The following CD96 variants were observed in gnomAD, a reference collection of about 807,000 sequenced individuals.
CD96 encodes CD96 molecule.
In CD96, 70 loss-of-function variants were observed where a neutral mutation model predicts 71.3. The observed-to-expected ratio is 0.98, with a 90% CI of 0.81 to 1.20. The LOEUF (loss-of-function observed/expected upper bound fraction) is 1.20. CD96 is among the 50% of genes most tolerant of loss of function. CD96 has a pLI of 0.00. For missense variants in CD96, 742 were observed against 677.5 expected (o/e 1.10, Z -1.06); for synonymous variants, 248 against 233.0 (o/e 1.06, Z -0.59).
rs191251953 is a variant in CD96, at chr3:111,542,592, T to C, written c.61+283T>C. Among the ~76,000 whole-genome samples the C allele has an allele frequency of 3.9e-5, 6 of 152,354 alleles. No homozygotes were observed. In the East Asian group the frequency reaches 9.6e-4, roughly 24 times the overall value. On this transcript the variant is annotated intron_variant, in intron 1 of 13. Transcript: ENST00000352690. Reference sequence around the variant, plus strand: ...CTTTCTAACAGGATCTCTGGAGTAATTGGCAAATTGTGTTTCTTGGAAATG... The same window carrying C: ...CTTTCTAACAGGATCTCTGGAGTAACTGGCAAATTGTGTTTCTTGGAAATG...
intron 12 of CD96, among the ~76,000 whole-genome samples, chr3:111,645,304 T>C (rs1939778126): frequency 6.6e-6 from 1 of 152,038 alleles, no homozygotes; most frequent in Non-Finnish European, 1.5e-5. Flanking sequence ...CTCACTGATA[T>C]GTGGGAAGCT....
chr3:111,563,251 C>CA (rs2107534547), intron 2 of CD96, among the ~76,000 whole-genome samples: 1 of 152,334 alleles, frequency 6.6e-6, no homozygotes, highest in Non-Finnish European at 1.5e-5. Context: ...AGCAGCCACT[C>CA]ACTCCAGATG....
intron 12 of CD96, among the ~76,000 whole-genome samples, chr3:111,646,855 T>C (rs1939851772): frequency 1.3e-5 from 2 of 151,890 alleles, no homozygotes; most frequent in South Asian, 4.2e-4. Flanking sequence ...GAAAACGTGG[T>C]ACATATACAC....
intron 11 of CD96, among the ~76,000 whole-genome samples, chr3:111,637,531 C>A (rs1939388055): frequency 6.6e-6 from 1 of 152,132 alleles, no homozygotes; most frequent in African/African-American, 2.4e-5. Flanking sequence ...AAATAAATTT[C>A]AATTTTTTTA....
chr3:111,632,563 T>C (rs1156521703), intron 10 of CD96, among the ~76,000 whole-genome samples: 2 of 152,184 alleles, frequency 1.3e-5, no homozygotes, highest in Non-Finnish European at 2.9e-5. Flanking sequence ...ATTGTGGCGA[T>C]TCCTCAAAGA....
At chr3:111,564,327 CT>C (rs1047163518) in intron 2 of CD96, among the ~76,000 whole-genome samples, 6 of 150,756 alleles carry the variant, frequency 4.0e-5, no homozygotes, top group Non-Finnish European at 7.4e-5. Context: ...CAACTTTTTT[CT>C]TTTTTTATAA....
At chr3:111,586,976 C>T (rs1936742505) in intron 5 of CD96, among the ~76,000 whole-genome samples, 1 of 152,124 alleles carries the variant, frequency 6.6e-6, no homozygotes, top group Non-Finnish European at 1.5e-5. Context: ...AAAGTCTCAT[C>T]TGAGATAAGG....
intron 2 of CD96, among the ~76,000 whole-genome samples, chr3:111,548,961 G>A (rs58340824): frequency 0.069 from 10,464 of 152,188 alleles, 1,017 homozygotes; most frequent in African/African-American, 0.22. Context: ...GTGTCTTCAT[G>A]AATCACAAAG....
chr3:111,639,002 T>C (rs1198970270), intron 12 of CD96, among the ~76,000 whole-genome samples: 1 of 152,186 alleles, frequency 6.6e-6, no homozygotes, highest in African/African-American at 2.4e-5. Context: ...TAAGACCTCT[T>C]TAAAATATTT....
intron 8 of CD96, among the ~76,000 whole-genome samples, chr3:111,611,777 A>G (rs1477579106): frequency 6.6e-6 from 1 of 152,238 alleles, no homozygotes; most frequent in Non-Finnish European, 1.5e-5. Flanking sequence ...GCGTAAAACA[A>G]AATGAGTGCA....
intron 13 of CD96, among the ~76,000 whole-genome samples, chr3:111,648,574 T>C (rs1939940104): frequency 6.6e-6 from 1 of 152,220 alleles, no homozygotes; most frequent in Non-Finnish European, 1.5e-5. Context: ...GAATTACCTA[T>C]TAATACATAT....
chr3:111,632,810 T>C (rs1476708462), intron 10 of CD96, among the ~76,000 whole-genome samples: 1 of 152,220 alleles, frequency 6.6e-6, no homozygotes, highest in Non-Finnish European at 1.5e-5. Flanking sequence ...TGAGATCATG[T>C]CCTTTGCAGG....
At chr3:111,618,531 T>TTCAA (rs1478197192) in intron 8 of CD96, among the ~76,000 whole-genome samples, 1 of 151,980 alleles carries the variant, frequency 6.6e-6, no homozygotes, top group African/African-American at 2.4e-5. Context: ...GACCTTTATA[T>TTCAA]GTAATTTTTA....
chr3:111,603,060 A>G (rs1937532423), intron 7 of CD96, among the ~76,000 whole-genome samples: 1 of 152,132 alleles, frequency 6.6e-6, no homozygotes, highest in African/African-American at 2.4e-5. Context: ...TAGGGTGATC[A>G]GTGACTCTTC....
intron 2 of CD96, 131 bp from the exon 3 acceptor site, chr3:111,567,392 C>A: frequency 2.8e-6 from 2 of 714,104 alleles, no homozygotes; most frequent in Admixed American, 4.3e-5. Context: ...GGGAGTTTGC[C>A]TCTCTTTTTC....
At chr3:111,585,180 C>A in intron 4 of CD96, 143 bp from the exon 5 acceptor site, 1 of 286,188 alleles carries the variant, frequency 3.5e-6, no homozygotes, top group African/African-American at 2.3e-5. Context: ...GTGGGCCTGG[C>A]AGTATTATAT....
rs1553713261 is a variant in CD96 at position 111,647,611 on chromosome 3, T to C, written c.1546T>C (p.Cys516Arg). 3 of 1,612,176 alleles carry C rather than the reference T, an allele frequency of 1.9e-6. No homozygotes were observed. In the South Asian group the frequency reaches 3.3e-5, roughly 18 times the overall value. ...GATTGTAGCAGCTTTACTCTTTTGC[T>C]GCATGATATTGTTTGGTCTTGGAGT... The part of the protein sequence containing the change: ...PVIVAALLFC[C>R]MILFGLGVRK... The change falls in exon 13 of 14, where the codon TGC becomes CGC. Residue 516 changes from cysteine (C) to arginine (R), a missense_variant. Cys to Arg is a radical substitution (Grantham distance 180). Transcript: ENST00000352690.
At chr3:111,622,618 C>A (rs898530496) in intron 8 of CD96, among the ~76,000 whole-genome samples, 2 of 152,152 alleles carry the variant, frequency 1.3e-5, no homozygotes, top group African/African-American at 2.4e-5. Flanking sequence ...AACTGAGGTA[C>A]CAGGAAAGCT....
At chr3:111,656,610 T>C (rs529709060), downstream of CD96, among the ~76,000 whole-genome samples, 1 of 152,250 alleles carries the variant, frequency 6.6e-6, no homozygotes, top group Non-Finnish European at 1.5e-5. Flanking sequence ...TATCTAAATG[T>C]CCAATATAGG....
Sources: gnomAD v4.1 joint callset for allele counts (sites outside exome capture counted in the v4.1 genomes callset) on GRCh38, gnomAD v4.1.1 for gene constraint, MANE v1.5 for transcripts, NCBI Gene and HGNC (gene_info 2026-07-23, HGNC 2026-07-21) for gene names.